The following NRCAM variants were observed in gnomAD, a reference collection of about 807,000 sequenced individuals.
NRCAM encodes neuronal cell adhesion molecule.
In NRCAM, 83 loss-of-function variants were observed where a neutral mutation model predicts 156.5. The ratio of observed to expected loss-of-function variants is 0.53; its 90% CI spans 0.44 to 0.64. The LOEUF is 0.64. Among genes scored for constraint, NRCAM ranks in the 30% least tolerant of loss-of-function variants. The pLI is 0.00. For missense variants in NRCAM, 1,417 were observed against 1,597.3 expected, an observed-to-expected ratio of 0.89 and a Z score of 1.92; for synonymous variants, 538 against 563.9, an observed-to-expected ratio of 0.95 and a Z score of 0.65.
In NRCAM at chr7:108,234,916, G is replaced by A. The variant is rs183326088; in HGVS notation, c.125-228C>T. ...TTCGGTAACTATGTGTACTTGCAAA[G>A]TCCATTTTCTCACACTAAAAGTTTG... On this transcript the variant is annotated intron_variant, in intron 5 of 32. Coordinates refer to ENST00000379028, the MANE Select transcript of NRCAM (RefSeq NM_001037132.4). 152 of 674,588 alleles carry A rather than the reference G, an allele frequency of 2.3e-4. No homozygotes were observed. In the African/African-American group the frequency reaches 2.5e-3, roughly 11 times the overall value. 41.8% of individuals were successfully genotyped at this position (674,588 alleles called of 1,614,324 possible). A position where few individuals can be genotyped will look rare whatever the true frequency, so the allele number is the denominator to read the frequency against.
intron 2 of NRCAM, among the ~76,000 whole-genome samples, chr7:108,398,403 A>G (rs1446876526): frequency 6.6e-6 from 1 of 152,050 alleles, no homozygotes; most frequent in African/African-American, 2.4e-5. Flanking sequence ...CCCCCATATA[A>G]TTACAAAATG....
intron 3 of NRCAM, among the ~76,000 whole-genome samples, chr7:108,278,929 C>T (rs77070249): frequency 0.043 from 6,509 of 152,288 alleles, 183 homozygotes; most frequent in South Asian, 0.11. Context: ...TCTAAAACTC[C>T]TCTTAAGGAA....
intron 1 of NRCAM, among the ~76,000 whole-genome samples, chr7:108,429,936 AG>A (rs1822760055): frequency 6.6e-6 from 1 of 152,252 alleles, no homozygotes; most frequent in Admixed American, 6.5e-5. Flanking sequence ...GTGACATCAG[AG>A]GAAAAACGTG....
chr7:108,230,495 C>G (rs1251189546), intron 8 of NRCAM, among the ~76,000 whole-genome samples: 1 of 152,136 alleles, frequency 6.6e-6, no homozygotes, highest in African/African-American at 2.4e-5. Context: ...CAAGCTAAAG[C>G]CAAAGTCCTT....
At chr7:108,260,108 G>C (rs1015290967) in intron 3 of NRCAM, among the ~76,000 whole-genome samples, 3 of 152,014 alleles carry the variant, frequency 2.0e-5, no homozygotes, top group Non-Finnish European at 2.9e-5. Flanking sequence ...TTCAGAACCT[G>C]GTCCTGAGAG....
intron 2 of NRCAM, among the ~76,000 whole-genome samples, chr7:108,385,845 A>G (rs926690669): frequency 1.4e-5 from 2 of 145,840 alleles, no homozygotes; most frequent in African/African-American, 4.9e-5. Flanking sequence ...TTATGTTTAC[A>G]GCAGTGGATC....
chr7:108,358,268 G>T (rs2099521589), intron 2 of NRCAM, among the ~76,000 whole-genome samples: 1 of 145,748 alleles, frequency 6.9e-6, no homozygotes, highest in African/African-American at 2.5e-5. Flanking sequence ...AAAAAGGCCT[G>T]ACAGTGCATG....
At chr7:108,261,189 C>T (rs1041127549) in intron 3 of NRCAM, among the ~76,000 whole-genome samples, 7 of 152,134 alleles carry the variant, frequency 4.6e-5, no homozygotes, top group Admixed American at 2.0e-4. Flanking sequence ...GAACCCCTTC[C>T]GAAGTTTCTT....
At chr7:108,207,450 T>A (rs2153570335) in intron 13 of NRCAM, 78 bp downstream of exon 13, 1 of 1,435,726 alleles carries the variant, frequency 7.0e-7, no homozygotes, top group South Asian at 1.4e-5. Flanking sequence ...GTTATTTTTT[T>A]ATCACCATTT....
chr7:108,201,554 T>C (rs1194174104), intron 13 of NRCAM, among the ~76,000 whole-genome samples: 1 of 152,224 alleles, frequency 6.6e-6, no homozygotes, highest in Non-Finnish European at 1.5e-5. Flanking sequence ...ATGGTTAAGA[T>C]GGTAAATTTT....
intron 4 of NRCAM, among the ~76,000 whole-genome samples, chr7:108,239,605 G>T (rs1009592760): frequency 6.6e-6 from 1 of 152,094 alleles, no homozygotes; most frequent in African/African-American, 2.4e-5. Flanking sequence ...ATTTTAAAGT[G>T]GCTCATATAG....
chr7:108,196,792 A>G (rs1245431222), intron 14 of NRCAM, among the ~76,000 whole-genome samples: 2 of 152,180 alleles, frequency 1.3e-5, no homozygotes, highest in African/African-American at 2.4e-5. Flanking sequence ...TACTGTTTAT[A>G]CTCAAAACAT....
At chr7:108,293,040 C>A (rs1207145902) in intron 3 of NRCAM, among the ~76,000 whole-genome samples, 1 of 152,142 alleles carries the variant, frequency 6.6e-6, no homozygotes, top group African/African-American at 2.4e-5. Context: ...ACCTAACATG[C>A]AACAATTCAT....
chr7:108,154,113 G>A (rs1378575876), intron 32 of NRCAM, among the ~76,000 whole-genome samples: 1 of 152,114 alleles, frequency 6.6e-6, no homozygotes, highest in African/African-American at 2.4e-5. Context: ...TATTTAAAAG[G>A]TTCTTGAAGA....
At chr7:108,323,331 AC>A (rs2099024574) in intron 2 of NRCAM, among the ~76,000 whole-genome samples, 1 of 152,110 alleles carries the variant, frequency 6.6e-6, no homozygotes, top group Non-Finnish European at 1.5e-5. Flanking sequence ...TTCCATTTCC[AC>A]ATTTTTTCAT....
chr7:108,393,437 G>A lies in NRCAM; in HGVS notation c.-174+5999C>T, dbSNP rs530320006. 8.5e-5 allele frequency among the ~76,000 whole-genome samples: 13 copies of A among 152,246 alleles called. No homozygotes were observed. In the East Asian group the frequency reaches 1.5e-3, roughly 18 times the overall value. On this transcript the variant is annotated intron_variant, in intron 2 of 32. Transcript: ENST00000379028. Reference sequence around the variant, plus strand: ...CGTTTGCTAAGACCTTTGGAAAAGCGTAGTATTAGGATGGGAGTGACCCGA... The same window carrying A: ...CGTTTGCTAAGACCTTTGGAAAAGCATAGTATTAGGATGGGAGTGACCCGA...
chr7:108,392,885 T>C (rs531830739), intron 2 of NRCAM, among the ~76,000 whole-genome samples: 4 of 152,288 alleles, frequency 2.6e-5, no homozygotes, highest in South Asian at 2.1e-4. Context: ...ACAGTGAATA[T>C]TGCAGAACAG....
At chr7:108,454,279 C>T (rs1043762875) in intron 1 of NRCAM, among the ~76,000 whole-genome samples, 4 of 152,148 alleles carry the variant, frequency 2.6e-5, no homozygotes, top group South Asian at 2.1e-4. Context: ...AATGTATCTC[C>T]CTGGTTTTGA....
chr7:108,242,258 CAAAAA>C (rs11413420), intron 3 of NRCAM, among the ~76,000 whole-genome samples: 2 of 98,526 alleles, frequency 2.0e-5, no homozygotes, highest in Non-Finnish European at 3.8e-5. Context: ...GACCCCGTCT[CAAAAA>C]AAAAAAAAAA....
Sources: gnomAD v4.1 joint callset for allele counts (sites outside exome capture counted in the v4.1 genomes callset) on GRCh38, gnomAD v4.1.1 for gene constraint, MANE v1.5 for transcripts, NCBI Gene and HGNC (gene_info 2026-07-23, HGNC 2026-07-21) for gene names.